Variants in CDK14 observed in about 807,000 individuals in gnomAD.
CDK14 encodes cyclin-dependent kinase 14.
In CDK14, 34 loss-of-function variants were observed where a neutral mutation model predicts 60.7. The observed-to-expected ratio is 0.56, with a 90% CI of 0.43 to 0.75. CDK14 has a LOEUF of 0.75. Among genes scored for constraint, CDK14 ranks in the 30% least tolerant of loss-of-function variants. CDK14 has a pLI of 0.00. For synonymous variants in CDK14, 197 were observed against 203.7 expected, an observed-to-expected ratio of 0.97 and a Z score of 0.28; for missense variants, 482 against 564.1, an observed-to-expected ratio of 0.85 and a Z score of 1.47.
chr7:91,016,989 G>C (rs143276207), intron 10 of CDK14, among the ~76,000 whole-genome samples: 236 of 152,288 alleles, frequency 1.5e-3, no homozygotes, highest in Non-Finnish European at 2.8e-3. Flanking sequence ...TATTAAGGAA[G>C]AAGGCAGGCA....
rs142557567 is a variant in CDK14 at position 90,731,368 on chromosome 7, G to T, written c.369+4556G>T. Among the ~76,000 whole-genome samples, 24 of 152,152 alleles carry T rather than the reference G, an allele frequency of 1.6e-4. No individual in the cohort carries two copies. In the East Asian group the frequency reaches 4.4e-3, roughly 28 times the overall value. ...ATGAAATTTAAAGTAGTTTTTTCCA[G>T]TTCTGTGAAGAAAGTCAATGATAGC... On this transcript the variant is annotated intron_variant, in intron 3 of 14. Transcript: ENST00000380050.
At chr7:90,973,549 A>G (rs1446820231) in intron 9 of CDK14, among the ~76,000 whole-genome samples, 2 of 152,176 alleles carry the variant, frequency 1.3e-5, no homozygotes, top group Non-Finnish European at 2.9e-5. Flanking sequence ...CCAAACTTTT[A>G]TCGGGGGGAC....
At chr7:90,686,226 T>C (rs1455103787) in intron 2 of CDK14, among the ~76,000 whole-genome samples, 1 of 152,198 alleles carries the variant, frequency 6.6e-6, no homozygotes, top group African/African-American at 2.4e-5. Flanking sequence ...CTACTGAATT[T>C]TCTTTTGTTT....
chr7:90,864,803 C>T (rs1431411183), intron 6 of CDK14, among the ~76,000 whole-genome samples: 1 of 152,126 alleles, frequency 6.6e-6, no homozygotes, highest in Non-Finnish European at 1.5e-5. Context: ...GACTTTTAAA[C>T]ATAATCACTT....
At chr7:91,169,134 C>G (rs1027616302) in intron 14 of CDK14, among the ~76,000 whole-genome samples, 1 of 152,242 alleles carries the variant, frequency 6.6e-6, no homozygotes, top group Admixed American at 6.5e-5. Flanking sequence ...CACATGTCCA[C>G]TTTCCTTACA....
chr7:91,201,122 G>A (rs773091787), intron 14 of CDK14, among the ~76,000 whole-genome samples: 1 of 152,216 alleles, frequency 6.6e-6, no homozygotes, highest in Non-Finnish European at 1.5e-5. Flanking sequence ...TTCTACATTT[G>A]AGAAGGAGGT....
intron 5 of CDK14, among the ~76,000 whole-genome samples, chr7:90,843,190 C>G (rs1039305675): frequency 5.3e-5 from 8 of 152,142 alleles, no homozygotes; most frequent in Admixed American, 1.3e-4. Flanking sequence ...GCACCCAATA[C>G]TGCTAGTTCT....
chr7:90,815,271 A>G (rs1789302105), intron 5 of CDK14, among the ~76,000 whole-genome samples: 1 of 152,220 alleles, frequency 6.6e-6, no homozygotes. Context: ...TTTCAATATA[A>G]TTTAAGCAGT....
In CDK14 at chr7:90,813,192, T is replaced by C. The variant is rs368197542; in HGVS notation, c.544+22540T>C. Among the ~76,000 whole-genome samples the C allele has an allele frequency of 8.0e-4, 122 of 152,314 alleles. 1 individual carries two copies. Among genetic ancestry groups the C allele is most frequent in the Middle Eastern group, 3.4e-3 (1 of 294 alleles). Reference sequence around the variant, plus strand: ...TGTTTGTTTCTTTTGAGATGGAATCTTGCTCTGTCGCCCAGGCTGGAGTGC... The same window carrying C: ...TGTTTGTTTCTTTTGAGATGGAATCCTGCTCTGTCGCCCAGGCTGGAGTGC... On this transcript the variant is annotated intron_variant, in intron 5 of 14. Coordinates refer to ENST00000380050, the MANE Select transcript of CDK14 (RefSeq NM_001287135.2).
At chr7:91,092,489 A>C (rs2116279033) in intron 12 of CDK14, among the ~76,000 whole-genome samples, 1 of 152,364 alleles carries the variant, frequency 6.6e-6, no homozygotes, top group East Asian at 1.9e-4. Context: ...ATGAACTTTA[A>C]GACTGGGCTC....
intron 5 of CDK14, among the ~76,000 whole-genome samples, chr7:90,859,567 CTT>C (rs1302439570): frequency 6.6e-6 from 1 of 151,894 alleles, no homozygotes; most frequent in African/African-American, 2.4e-5. Flanking sequence ...TTTTAAAAGA[CTT>C]TACATTTTAG....
At chr7:91,044,241 C>T (rs1018453191) in intron 10 of CDK14, among the ~76,000 whole-genome samples, 2 of 152,074 alleles carry the variant, frequency 1.3e-5, no homozygotes, top group Admixed American at 1.3e-4. Flanking sequence ...GACAACTGGA[C>T]GTGGGAGCTT....
chr7:90,659,567 A>G (rs940557394), intron 2 of CDK14, among the ~76,000 whole-genome samples: 5 of 152,224 alleles, frequency 3.3e-5, no homozygotes, highest in Non-Finnish European at 5.9e-5. Context: ...AAATAGGGAT[A>G]TGATGAATTT....
chr7:90,807,218 A>G (rs771332965), intron 5 of CDK14, among the ~76,000 whole-genome samples: 2 of 152,222 alleles, frequency 1.3e-5, no homozygotes, highest in African/African-American at 2.4e-5. Context: ...GGCACCACCC[A>G]GTAGGGGCAG....
intron 14 of CDK14, among the ~76,000 whole-genome samples, chr7:91,173,376 T>C (rs1021266368): frequency 5.3e-5 from 8 of 151,824 alleles, no homozygotes; most frequent in African/African-American, 1.9e-4. Context: ...ATGGGATCAC[T>C]TGAGCCCAGG....
chr7:91,135,819 T>A (rs1365424300), intron 14 of CDK14, among the ~76,000 whole-genome samples: 1 of 152,174 alleles, frequency 6.6e-6, no homozygotes, highest in Non-Finnish European at 1.5e-5. Context: ...GTGACTTGTG[T>A]TGCAAACTGA....
At chr7:90,923,325 G>C (rs1430743031) in intron 8 of CDK14, among the ~76,000 whole-genome samples, 2 of 152,010 alleles carry the variant, frequency 1.3e-5, no homozygotes, top group Admixed American at 6.5e-5. Flanking sequence ...TAGCCAGAAT[G>C]GTCTCGATCT....
chr7:91,154,027 G>T (rs915879060), intron 14 of CDK14, among the ~76,000 whole-genome samples: 10 of 152,096 alleles, frequency 6.6e-5, no homozygotes, highest in African/African-American at 2.2e-4. Flanking sequence ...GTGTAAATAT[G>T]TTCATTGAAA....
At chr7:90,892,449 G>A (rs1792165515) in intron 6 of CDK14, among the ~76,000 whole-genome samples, 2 of 152,192 alleles carry the variant, frequency 1.3e-5, no homozygotes, top group Non-Finnish European at 2.9e-5. Context: ...TATGACTGCA[G>A]TTAACTGAGA....
Sources: allele counts gnomAD v4.1 joint callset (sites outside exome capture counted in the v4.1 genomes callset), GRCh38; gene constraint gnomAD v4.1.1; transcripts MANE v1.5; gene names NCBI Gene and HGNC (gene_info 2026-07-23, HGNC 2026-07-21).